BTN3A3: variants seen among roughly 807,000 people sequenced by gnomAD.
BTN3A3 encodes the protein butyrophilin subfamily 3 member A3.
Under a neutral mutation model 43.2 loss-of-function variants are expected in BTN3A3, and 39 were observed. The ratio of observed to expected loss-of-function variants is 0.90; its 90% CI spans 0.70 to 1.18. The LOEUF (loss-of-function observed/expected upper bound fraction) is 1.18, where lower values mean the gene tolerates loss of function less well. Among genes scored for constraint, BTN3A3 ranks in the 50% most tolerant of loss-of-function variants. The probability of loss-of-function intolerance (pLI) is 0.00; values close to 1 mark genes in which losing one functional copy is unlikely to be tolerated. For missense variants in BTN3A3, 631 were observed against 722.8 expected, an observed-to-expected ratio of 0.87 and a Z score of 1.46; for synonymous variants, 255 against 272.7, an observed-to-expected ratio of 0.93 and a Z score of 0.64.
chr6:26,446,679 A>G (rs1762786767), intron 5 of BTN3A3, among the ~76,000 whole-genome samples: 1 of 152,120 alleles, frequency 6.6e-6, no homozygotes, highest in African/African-American at 2.4e-5. Flanking sequence ...ATATGCTTGC[A>G]TTTGTATGAG....
chr6:26,443,307 A>C, intron 1 of BTN3A3, 75 bp from the exon 2 acceptor site: 1 of 574,576 alleles, frequency 1.7e-6, no homozygotes, highest in Non-Finnish European at 2.7e-6. Context: ...AAGTGATAGG[A>C]TTATGAATAT....
At chr6:26,447,157 T>C (rs1479757225) in intron 5 of BTN3A3, among the ~76,000 whole-genome samples, 2 of 152,234 alleles carry the variant, frequency 1.3e-5, no homozygotes, top group African/African-American at 4.8e-5. Flanking sequence ...TAATTCTCTC[T>C]ACACTAATAT....
intron 1 of BTN3A3, among the ~76,000 whole-genome samples, chr6:26,441,326 C>T (rs545133143): frequency 6.6e-6 from 1 of 152,286 alleles, no homozygotes; most frequent in East Asian, 1.9e-4. Flanking sequence ...ATCATTTCCT[C>T]ATAACCCAAT....
At chr6:26,444,978 G>A (rs1269041815) in intron 4 of BTN3A3, 1 of 163,114 alleles carries the variant, frequency 6.1e-6, no homozygotes, top group Non-Finnish European at 1.4e-5. Context: ...TTATCTAGGA[G>A]GAAGGAGACT....
chr6:26,442,517 A>G (rs1466191261), intron 1 of BTN3A3, among the ~76,000 whole-genome samples: 1 of 152,118 alleles, frequency 6.6e-6, no homozygotes, highest in Non-Finnish European at 1.5e-5. Context: ...GTTCTGCAAC[A>G]TGCTTTTTGA....
intron 4 of BTN3A3, chr6:26,444,653 A>G (rs1443227840): frequency 4.6e-6 from 2 of 430,446 alleles, no homozygotes; most frequent in South Asian, 2.3e-5. Flanking sequence ...TGTGTCTCCA[A>G]GTGCACGTTA....
At chr6:26,440,813 T>TGTGTGCGC (rs1561859220) in intron 1 of BTN3A3, 165 bp downstream of exon 1, 9 of 130,578 alleles carry the variant, frequency 6.9e-5, no homozygotes, top group Non-Finnish European at 1.3e-4. Context: ...TGTGTGTGTG[T>TGTGTGCGC]GTGCGTGTGT....
intron 10 of BTN3A3, 80 bp from the exon 11 acceptor site, chr6:26,451,595 G>T: frequency 6.5e-7 from 1 of 1,537,332 alleles, no homozygotes; most frequent in South Asian, 1.3e-5. Flanking sequence ...TCCTTAGCAT[G>T]GTCCAGGCCT....
intron 8 of BTN3A3, chr6:26,449,204 A>G: frequency 4.8e-6 from 1 of 208,998 alleles, no homozygotes; most frequent in Non-Finnish European, 9.5e-6. Context: ...TCTAATAAAG[A>G]GGAATAGCTA....
chr6:26,443,295 G>A, intron 1 of BTN3A3, 87 bp from the exon 2 acceptor site: 2 of 461,604 alleles, frequency 4.3e-6, no homozygotes, highest in Admixed American at 4.2e-5. Context: ...GGAAGTGTGG[G>A]GAAGTGATAG....
Position 26,441,526 on chromosome 6 carries a change from A to G in BTN3A3, c.-67+878A>G, listed in dbSNP as rs189517100. Among the ~76,000 whole-genome samples, 88 of 151,460 alleles carry G rather than the reference A, an allele frequency of 5.8e-4. 1 individual carries two copies. Among genetic ancestry groups the G allele is most frequent in the East Asian group, 3.3e-3 (17 of 5,170 alleles). On this transcript the variant is annotated intron_variant, in intron 1 of 10. Transcript: ENST00000244519. ...TTTTTTTGCCTCAACAATAATTCCT[A>G]TAAGTGGAACTTTTGGGTAAAGCAT...
At chr6:26,448,016 A>G (rs1762826414) in intron 5 of BTN3A3, among the ~76,000 whole-genome samples, 1 of 152,192 alleles carries the variant, frequency 6.6e-6, no homozygotes, top group Non-Finnish European at 1.5e-5. Context: ...TGCTGAAGTT[A>G]ATTTCCATAC....
intron 10 of BTN3A3, among the ~76,000 whole-genome samples, chr6:26,451,324 T>A (rs540595935): frequency 2.6e-5 from 4 of 152,310 alleles, no homozygotes; most frequent in Admixed American, 2.6e-4. Flanking sequence ...ATTTAGTTCA[T>A]AAGCGGTCGA....
chr6:26,447,479 C>T (rs1361645772), intron 5 of BTN3A3, among the ~76,000 whole-genome samples: 1 of 152,172 alleles, frequency 6.6e-6, no homozygotes, highest in Non-Finnish European at 1.5e-5. Flanking sequence ...TCTATAGCCT[C>T]AGCCTCCCAA....
At chr6:26,451,184 T>C (rs1561863970) in intron 10 of BTN3A3, among the ~76,000 whole-genome samples, 1 of 152,184 alleles carries the variant, frequency 6.6e-6, no homozygotes, top group Non-Finnish European at 1.5e-5. Context: ...AATAACATGA[T>C]TCCCCTATAC....
At chr6:26,448,850 T>G in intron 8 of BTN3A3, 96 bp downstream of exon 8, 1 of 1,479,770 alleles carries the variant, frequency 6.8e-7, no homozygotes, top group Non-Finnish European at 9.4e-7. Context: ...TGCCCAGGGT[T>G]GAAAAATGGT....
chr6:26,446,765 G>A (rs1762789494), intron 5 of BTN3A3, among the ~76,000 whole-genome samples: 1 of 152,164 alleles, frequency 6.6e-6, no homozygotes, highest in Non-Finnish European at 1.5e-5. Flanking sequence ...GTCTCACTCT[G>A]TTGCCCAGGA....
At position 26,444,070 on chromosome 6, in the gene BTN3A3, T is replaced by C. The variant is rs960162470; in HGVS notation, c.199T>C (p.Trp67Arg). ...TMSAETMELRWVSSSLRQVVN... is the reference protein window; with the variant it reads ...TMSAETMELRRVSSSLRQVVN... ...GAGTGCAGAGACCATGGAGCTGAGG[T>C]GGGTGAGTTCCAGCCTAAGGCAGGT... The change falls in exon 4 of 11, where the codon TGG becomes CGG. Residue 67 changes from tryptophan to arginine, a missense_variant. This residue lies in a region of BTN3A3 where 80 missense variants were observed against 138.7 expected (regional missense o/e 0.58). Transcript: ENST00000244519. 3 of 1,613,770 alleles carry C rather than the reference T, an allele frequency of 1.9e-6. No homozygotes were observed. The highest frequency in any genetic ancestry group is 1.7e-4 in the Middle Eastern group (1 of 6,054).
rs200517148 is a variant in BTN3A3, at chr6:26,446,646, T to C, written c.715+661T>C. Among the ~76,000 whole-genome samples the C allele has an allele frequency of 4.6e-5, 7 of 152,350 alleles. No homozygotes were observed. The East Asian group carries it at 1.2e-3, about 25-fold the overall frequency. On this transcript the variant is annotated intron_variant, in intron 5 of 10. Transcript: ENST00000244519. The stretch of plus-strand genomic sequence containing the variant: ...GGATCTATCCAAACTACATATTTAT[T>C]GATCCAAAATTCCAGTTCTGGGATA...
Sources: gnomAD v4.1 joint callset for allele counts (sites outside exome capture counted in the v4.1 genomes callset) on GRCh38, gnomAD v4.1.1 for gene constraint, gnomAD v4.1.1 regional missense constraint, MANE v1.5 for transcripts, NCBI Gene and HGNC (gene_info 2026-07-23, HGNC 2026-07-21) for gene names.